The following LRCH4 variants were observed in gnomAD, a reference collection of about 807,000 sequenced individuals.
The protein encoded by LRCH4 is leucine rich repeats and calponin homology domain containing 4, also known as leucine-rich repeat and calponin homology domain-containing protein 4.
A neutral mutation model predicts 81.2 loss-of-function variants in LRCH4; 56 were observed. The ratio of observed to expected loss-of-function variants is 0.69; its 90% CI spans 0.56 to 0.86. The LOEUF (loss-of-function observed/expected upper bound fraction) is 0.86, where lower values mean the gene tolerates loss of function less well. LRCH4 is among the 40% of genes least tolerant of loss of function. LRCH4 has a pLI of 0.00. For missense variants in LRCH4, 895 were observed against 922.8 expected (o/e 0.97, Z 0.39); for synonymous variants, 442 against 409.7 (o/e 1.08, Z -0.95).
Position 100,578,878 on chromosome 7 carries a change from A to G in LRCH4, c.599-92T>C. ...CACCCTTGGCTCCAGCTGGCCAGTC[A>G]CCCTGGGCCCAGCACAGCCTCTCCC... On this transcript the variant is annotated intron_variant, in intron 4 of 17. Transcript: ENST00000310300. This position sits in a 1 kb window ranked among gnomAD's most constrained non-coding sequence, Gnocchi z 5.7. 1.1e-5 allele frequency: 16 copies of G among 1,427,466 alleles called. No individual in the cohort carries two copies. The highest frequency in any genetic ancestry group is 2.6e-4 in the Middle Eastern group (1 of 3,874). 88.4% of individuals were successfully genotyped at this position (1,427,466 alleles called of 1,614,324 possible).
In LRCH4 at chr7:100,580,445, C is replaced by CAAAA. The variant is rs1554349840; in HGVS notation, c.598+1328_598+1331dup. ...ACACACACACACACACACACACACA[C>CAAAA]AAAACCCACACACACGCAAACAACA... On this transcript the variant is annotated intron_variant, in intron 4 of 17. Coordinates refer to ENST00000310300, the MANE Select transcript of LRCH4 (RefSeq NM_002319.5). 4.4e-5 allele frequency: 6 copies of CAAAA among 135,796 alleles called. No homozygotes were observed. In the South Asian group the frequency reaches 7.4e-4, roughly 17 times the overall value. 8.4% of individuals were successfully genotyped at this position (135,796 alleles called of 1,614,324 possible).
At chr7:100,584,655 A>G (rs1562810750) in intron 1 of LRCH4, 1 of 456,088 alleles carries the variant, frequency 2.2e-6, no homozygotes, top group Non-Finnish European at 4.4e-6. Context: ...AGGGGCAGGA[A>G]TGGCTCCTGG....
chr7:100,584,818 A>T (rs1298796427), intron 1 of LRCH4: 1 of 456,044 alleles, frequency 2.2e-6, no homozygotes, highest in Non-Finnish European at 4.4e-6. Context: ...AGAAGTAAGC[A>T]CTATCCTCCA....
In LRCH4 at chr7:100,583,413, G is replaced by C. The variant is rs568452924; in HGVS notation, c.221-954C>G. Among the ~76,000 whole-genome samples the C allele has an allele frequency of 2.0e-5, 3 of 152,294 alleles. No individual in the cohort carries two copies. In the South Asian group the frequency reaches 6.2e-4, roughly 32 times the overall value. ...TAACGGCTTAGACCTGGAGAAGCCT[G>C]CCTTTCTGTTTCCTCGGCCCAGCCT... On this transcript the variant is annotated intron_variant, in intron 1 of 17. Coordinates refer to ENST00000310300, the MANE Select transcript of LRCH4 (RefSeq NM_002319.5). The surrounding 1 kb of genome is among the most constrained non-coding windows in gnomAD (Gnocchi z 4.3).
chr7:100,577,980 C>G lies in LRCH4; in HGVS notation c.949-68G>C. The G allele has an allele frequency of 7.1e-7, 1 of 1,403,758 alleles. No individual in the cohort carries two copies. Among genetic ancestry groups the G allele is most frequent in the Non-Finnish European group, 1.0e-6 (1 of 998,622 alleles). The allele number at this position is 1,403,758 out of a possible 1,614,324, so 87.0% of individuals were successfully genotyped here. On this transcript the variant is annotated intron_variant, in intron 7 of 17. Transcript: ENST00000310300. The surrounding 1 kb of genome is among the most constrained non-coding windows in gnomAD (Gnocchi z 6.7). ...ATGGGGGCTCAGGACCTGGGGGGTC[C>G]TGTGTGGGACTAAGCTCAGGGTCTC...
intron 1 of LRCH4, 136 bp downstream of exon 1, chr7:100,585,745 G>A (rs1246915320): frequency 2.2e-6 from 2 of 907,684 alleles, no homozygotes; most frequent in African/African-American, 3.5e-5. Flanking sequence ...ATGGCTGCAG[G>A]TTTAGGGCAA....
Position 100,574,834 on chromosome 7 carries a change from C to T in LRCH4, c.*273G>A, listed in dbSNP as rs921818466. The T allele has an allele frequency of 1.1e-4, 41 of 382,290 alleles. No homozygotes were observed. Among genetic ancestry groups the T allele is most frequent in the Non-Finnish European group, 1.7e-4 (35 of 210,988 alleles). 23.7% of individuals were successfully genotyped at this position (382,290 alleles called of 1,614,324 possible). Reference sequence around the variant, plus strand: ...AGACTCCAGCTCCTGCCACCCCTCACGGGGTACAGAGGGCAGGGGCAGGGC... The same window carrying T: ...AGACTCCAGCTCCTGCCACCCCTCATGGGGTACAGAGGGCAGGGGCAGGGC... On this transcript the variant is annotated 3_prime_UTR_variant, in exon 18 of 18. Transcript: ENST00000310300.
rs1562803649 is a variant in LRCH4 at position 100,575,167 on chromosome 7, G to C, written c.1992C>G (p.Val664=). The part of the protein sequence containing the change: ...WPPSGLGGFV[V]FYVVLMLLLY... ...GCAGCAGCATGAGGACCACGTAGAA[G>C]ACGACGAAGCCGCCCAGACCAGAGG... The change falls in exon 18 of 18, where the codon GTC becomes GTG. Residue 664 remains valine (V), a synonymous_variant. Transcript: ENST00000310300. The surrounding 1 kb of genome is among the most constrained non-coding windows in gnomAD (Gnocchi z 5.3). The C allele has an allele frequency of 6.2e-7, 1 of 1,613,486 alleles. No individual in the cohort carries two copies. The highest frequency in any genetic ancestry group is 8.5e-7 in the Non-Finnish European group (1 of 1,179,734).
In LRCH4 at chr7:100,577,265, G is replaced by A. The variant is rs775285384; in HGVS notation, c.1295+8C>T. ...CCAGCAACAGCCCCGGGCGGCCCTG[G>A]GTCCCACCTATCCTTCCTCGGGGCC... On this transcript the variant is annotated splice_region_variant and intron_variant, in intron 11 of 17. Transcript: ENST00000310300. The surrounding 1 kb of genome is among the most constrained non-coding windows in gnomAD (Gnocchi z 6.7). 4 of 1,602,526 alleles carry A rather than the reference G, an allele frequency of 2.5e-6. No homozygotes were observed. The highest frequency in any genetic ancestry group is 3.4e-6 in the Non-Finnish European group (4 of 1,178,934).
intron 4 of LRCH4, chr7:100,579,074 T>C: frequency 2.2e-6 from 1 of 454,054 alleles, no homozygotes; most frequent in Non-Finnish European, 4.0e-6. Flanking sequence ...TCTGTCCTCC[T>C]CATCTCCTCG....
In LRCH4 at chr7:100,574,122, G is replaced by C. The variant is rs1801247607; in HGVS notation, c.*985C>G. On this transcript the variant is annotated 3_prime_UTR_variant, in exon 18 of 18. Transcript: ENST00000310300. ...AGACCCTCGACCCCAGAGGCAGCCA[G>C]GCCGGCAGGCCAAGGGTGCCCAGGC... is the stretch of plus-strand genomic sequence containing the variant. 6.5e-6 allele frequency: 1 copy of C among 154,652 alleles called. No homozygotes were observed. Among genetic ancestry groups the C allele is most frequent in the Non-Finnish European group, 1.4e-5 (1 of 68,992 alleles). The allele number at this position is 154,652 out of a possible 1,614,324, so 9.6% of individuals were successfully genotyped here.
chr7:100,584,371 C>A (rs978978830), intron 1 of LRCH4, among the ~76,000 whole-genome samples: 30 of 151,916 alleles, frequency 2.0e-4, no homozygotes, highest in African/African-American at 4.3e-4. Flanking sequence ...CCGACCCCCC[C>A]CCAAGCTCAC....
Position 100,582,050 on chromosome 7 carries a change from C to T in LRCH4, c.483G>A (p.Leu161=), listed in dbSNP as rs1426994646. 1.2e-6 allele frequency: 2 copies of T among 1,609,640 alleles called. No individual in the cohort carries two copies. Among genetic ancestry groups the T allele is most frequent in the Admixed American group, 1.7e-5 (1 of 59,494 alleles). The part of the protein sequence containing the change: ...LPPDIGTLGS[L]RQLDVSSNEL... ...CCGTCCCCATCCTCACAAGCTGTCG[C>T]AGGCTTCCCAGGGTGCCGATGTCAG... The change falls in exon 3 of 18, where the codon CTG becomes CTA. Residue 161 remains leucine, a synonymous_variant. Coordinates refer to ENST00000310300, the MANE Select transcript of LRCH4 (RefSeq NM_002319.5). This position sits in a 1 kb window ranked among gnomAD's most constrained non-coding sequence, Gnocchi z 5.0.
chr7:100,574,804 G>T lies in LRCH4; in HGVS notation c.*303C>A. ...GGGGAAGGGGAGGGCACAGGAGGAA[G>T]GGGGAGACTCCAGCTCCTGCCACCC... On this transcript the variant is annotated 3_prime_UTR_variant, in exon 18 of 18. Coordinates refer to ENST00000310300, the MANE Select transcript of LRCH4 (RefSeq NM_002319.5). The T allele has an allele frequency of 3.0e-6, 1 of 334,394 alleles. No homozygotes were observed. The highest frequency in any genetic ancestry group is 8.0e-4 in the Middle Eastern group (1 of 1,252). 20.7% of individuals were successfully genotyped at this position (334,394 alleles called of 1,614,324 possible).
chr7:100,574,709 G>A lies in LRCH4; in HGVS notation c.*398C>T, dbSNP rs1023786229. 8.0e-5 allele frequency: 15 copies of A among 188,156 alleles called. No individual in the cohort carries two copies. The highest frequency in any genetic ancestry group is 1.9e-4 in the African/African-American group (8 of 42,718). 11.7% of individuals were successfully genotyped at this position (188,156 alleles called of 1,614,324 possible). A position where few individuals can be genotyped will look rare whatever the true frequency, so the allele number is the denominator to read the frequency against. ...GAGATAGGGACCCGGCCTGGGCCCCGAACCCCTACAAATATAGATCCTCTC... is the reference window on the plus strand; with the variant it reads ...GAGATAGGGACCCGGCCTGGGCCCCAAACCCCTACAAATATAGATCCTCTC... On this transcript the variant is annotated 3_prime_UTR_variant, in exon 18 of 18. Transcript: ENST00000310300.
Position 100,583,742 on chromosome 7 carries a change from C to T in LRCH4, c.221-1283G>A, listed in dbSNP as rs928845544. Among the ~76,000 whole-genome samples the T allele has an allele frequency of 2.0e-5, 3 of 152,154 alleles. No homozygotes were observed. The highest frequency in any genetic ancestry group is 2.1e-4 in the South Asian group (1 of 4,830). ...CAGAAGCCCTGGCCTCAGAGATGACCGTTCTGGAGAGGGTGGGGGGATGGC... is the reference window on the plus strand; with the variant it reads ...CAGAAGCCCTGGCCTCAGAGATGACTGTTCTGGAGAGGGTGGGGGGATGGC... On this transcript the variant is annotated intron_variant, in intron 1 of 17. Coordinates refer to ENST00000310300, the MANE Select transcript of LRCH4 (RefSeq NM_002319.5). The surrounding 1 kb of genome is among the most constrained non-coding windows in gnomAD (Gnocchi z 4.3).
intron 14 of LRCH4, 150 bp from the exon 15 acceptor site, chr7:100,576,473 A>G: frequency 1.5e-6 from 1 of 676,056 alleles, no homozygotes; most frequent in Non-Finnish European, 2.5e-6. Context: ...TATGTTGCCC[A>G]GGCTGGTCTT....
At chr7:100,581,951 G>C (rs1801573070) in intron 3 of LRCH4, 69 bp from the exon 4 acceptor site, 39 of 1,608,530 alleles carry the variant, frequency 2.4e-5, no homozygotes, top group Non-Finnish European at 3.3e-5. Context: ...TCCCATCTCT[G>C]TCTTTGCTCC....
Position 100,577,241 on chromosome 7 carries a change from C to A in LRCH4, c.1295+32G>T. On this transcript the variant is annotated intron_variant, in intron 11 of 17. Transcript: ENST00000310300. This position sits in a 1 kb window ranked among gnomAD's most constrained non-coding sequence, Gnocchi z 6.7. ...GGCCCCATTTCCAGGGCTCAGTGTC[C>A]AGCAACAGCCCCGGGCGGCCCTGGG... 1.2e-6 allele frequency: 2 copies of A among 1,605,554 alleles called. No individual in the cohort carries two copies. The highest frequency in any genetic ancestry group is 1.7e-6 in the Non-Finnish European group (2 of 1,178,838).
Sources: allele counts gnomAD v4.1 joint callset (sites outside exome capture counted in the v4.1 genomes callset), GRCh38; gene constraint gnomAD v4.1.1; non-coding constraint Gnocchi (gnomAD v3.1); transcripts MANE v1.5; gene names NCBI Gene and HGNC (gene_info 2026-07-23, HGNC 2026-07-21).